MYO16: variants seen among roughly 807,000 people sequenced by gnomAD.
MYO16 encodes unconventional myosin-XVI.
Under a neutral mutation model 205.3 loss-of-function variants are expected in MYO16, and 94 were observed. That is an observed-to-expected ratio of 0.46 (90% confidence interval 0.39 to 0.54). The LOEUF is 0.54. Among genes scored for constraint, MYO16 ranks in the 20% least tolerant of loss-of-function variants. MYO16 has a pLI of 0.00. For missense variants in MYO16, 2,315 were observed against 2,387.5 expected (o/e 0.97, Z 0.63); for synonymous variants, 988 against 954.0 (o/e 1.04, Z -0.66).
At chr13:109,088,829 G>A (rs1229912271) in intron 27 of MYO16, among the ~76,000 whole-genome samples, 2 of 152,192 alleles carry the variant, frequency 1.3e-5, no homozygotes, top group African/African-American at 2.4e-5. Context: ...ATGGCCAGAC[G>A]ATGGTGAACA....
chr13:108,582,815 G>T, the MYO16 span, among the ~76,000 whole-genome samples: 1 of 152,228 alleles, frequency 6.6e-6, no homozygotes, highest in Non-Finnish European at 1.5e-5. Context: ...CACGGGCTGG[G>T]TTATTATTTA....
chr13:108,913,013 C>T (rs1881334410), intron 16 of MYO16, among the ~76,000 whole-genome samples: 1 of 152,118 alleles, frequency 6.6e-6, no homozygotes, highest in Admixed American at 6.6e-5. Flanking sequence ...CTGTATTGAG[C>T]TTCAATTCTG....
intron 4 of MYO16, among the ~76,000 whole-genome samples, chr13:108,765,933 G>T (rs1885764115): frequency 6.6e-6 from 1 of 152,082 alleles, no homozygotes; most frequent in South Asian, 2.1e-4. Context: ...ACTGCTATAA[G>T]ATTTTAAATG....
the MYO16 span, among the ~76,000 whole-genome samples, chr13:108,553,605 T>C: frequency 2.0e-5 from 3 of 152,194 alleles, no homozygotes; most frequent in African/African-American, 4.8e-5. Flanking sequence ...TAGAATCTTT[T>C]ATGTGTTGTT....
chr13:108,855,176 A>G, intron 10 of MYO16: 1 of 320,778 alleles, frequency 3.1e-6, no homozygotes. Flanking sequence ...TCATCTTGAC[A>G]GACCTAATGC....
At chr13:109,091,506 G>A (rs902247238) in intron 27 of MYO16, among the ~76,000 whole-genome samples, 1 of 152,258 alleles carries the variant, frequency 6.6e-6, no homozygotes, top group South Asian at 2.1e-4. Flanking sequence ...TCGTAATCTA[G>A]TGTCTCCCGT....
rs139757755 is a variant in MYO16, at chr13:108,656,971, T to G, written c.29-8915T>G. On this transcript the variant is annotated intron_variant, in intron 1 of 34. Coordinates refer to ENST00000457511, the MANE Select transcript of MYO16 (RefSeq NM_001198950.3). ...GCTGACTCAGCACCAGACAGCAGGC[T>G]GCCAGTGTCCACCACACATCCCTCT... Among the ~76,000 whole-genome samples the G allele has an allele frequency of 3.5e-3, 530 of 152,348 alleles. 1 individual carries two copies. The highest frequency in any genetic ancestry group is 0.012 in the African/African-American group (497 of 41,578).
chr13:108,620,939 C>G (rs1235543993), intron 1 of MYO16, among the ~76,000 whole-genome samples: 2 of 152,204 alleles, frequency 1.3e-5, no homozygotes, highest in Non-Finnish European at 2.9e-5. Flanking sequence ...ACCCCGCAGC[C>G]TGGCCTCTAC....
chr13:108,565,112 C>G, the MYO16 span, among the ~76,000 whole-genome samples: 8 of 152,220 alleles, frequency 5.3e-5, no homozygotes, highest in Non-Finnish European at 1.2e-4. Context: ...TCTTTTTCCT[C>G]AGGATTTTCT....
chr13:108,559,820 A>C, the MYO16 span, among the ~76,000 whole-genome samples: 3 of 151,672 alleles, frequency 2.0e-5, no homozygotes, highest in Admixed American at 2.0e-4. Context: ...GTGCACAATC[A>C]CTGTGCCAGT....
intron 9 of MYO16, among the ~76,000 whole-genome samples, chr13:108,837,996 AAAG>A (rs1449441359): frequency 1.3e-5 from 2 of 152,154 alleles, no homozygotes; most frequent in Non-Finnish European, 2.9e-5. Context: ...ACTCTCTGAT[AAAG>A]AAGAAAAAAA....
chr13:108,999,432 C>T (rs150082491), intron 21 of MYO16, among the ~76,000 whole-genome samples: 105 of 152,248 alleles, frequency 6.9e-4, no homozygotes, highest in African/African-American at 2.4e-3. Flanking sequence ...CATTTATTTT[C>T]GCTACGTGTC....
intron 1 of MYO16, among the ~76,000 whole-genome samples, chr13:108,605,332 T>TG (rs1442229084): frequency 3.3e-5 from 5 of 152,102 alleles, no homozygotes; most frequent in African/African-American, 1.2e-4. Flanking sequence ...TTGCTCCATG[T>TG]GAAAAAAAAT....
rs371440302 is a variant in MYO16 at position 108,891,629 on chromosome 13, G to A, written c.1659+3152G>A. Among the ~76,000 whole-genome samples the A allele has an allele frequency of 4.1e-4, 63 of 152,318 alleles. 1 individual carries two copies. Among genetic ancestry groups the A allele is most frequent in the African/African-American group, 1.5e-3 (62 of 41,564 alleles). ...TCTATTGGCACTGATTTCAAAGTGC[G>A]ATATTGCTGCAGTGTGAAATTTCCA... is the stretch of plus-strand genomic sequence containing the variant. On this transcript the variant is annotated intron_variant, in intron 14 of 34. Transcript: ENST00000457511.
intron 2 of MYO16, among the ~76,000 whole-genome samples, chr13:108,682,791 C>T (rs991084214): frequency 1.4e-4 from 22 of 152,038 alleles, no homozygotes; most frequent in African/African-American, 5.1e-4. Context: ...GAGGCCGTTT[C>T]GAGCTGCTGA....
chr13:108,841,045 T>A (rs1877215147), intron 9 of MYO16, among the ~76,000 whole-genome samples: 1 of 152,166 alleles, frequency 6.6e-6, no homozygotes, highest in Non-Finnish European at 1.5e-5. Flanking sequence ...ACAAACAAAT[T>A]CAAAATGTAT....
chr13:109,077,774 A>T (rs1327428806), intron 27 of MYO16, among the ~76,000 whole-genome samples: 1 of 152,072 alleles, frequency 6.6e-6, no homozygotes, highest in East Asian at 1.9e-4. Context: ...TAGTTCCTTC[A>T]TGCTTCTTGT....
chr13:108,623,252 T>G (rs552259690), intron 1 of MYO16, among the ~76,000 whole-genome samples: 7 of 152,306 alleles, frequency 4.6e-5, no homozygotes, highest in Non-Finnish European at 8.8e-5. Context: ...CTACTTAAAC[T>G]TATCCAAAAG....
chr13:108,830,561 G>A (rs1876551974), intron 9 of MYO16, among the ~76,000 whole-genome samples: 1 of 144,144 alleles, frequency 6.9e-6, no homozygotes, highest in South Asian at 2.2e-4. Context: ...ATTGAACAAT[G>A]AGAACACATG....
Sources: allele counts gnomAD v4.1 joint callset (sites outside exome capture counted in the v4.1 genomes callset), GRCh38; gene constraint gnomAD v4.1.1; transcripts MANE v1.5; gene names NCBI Gene and HGNC (gene_info 2026-07-23, HGNC 2026-07-21).